Variants in PACRG observed in about 807,000 individuals in gnomAD.
PACRG encodes parkin coregulated, also known as parkin coregulated gene protein.
PACRG carries 29 observed loss-of-function variants against 29.7 expected under a neutral mutation model. The observed-to-expected ratio is 0.98, with a 90% confidence interval of 0.73 to 1.33. PACRG has a LOEUF of 1.33. Among genes scored for constraint, PACRG ranks in the 40% most tolerant of loss-of-function variants. The pLI, the probability that PACRG is intolerant of heterozygous loss-of-function variation, is 0.00. For missense variants in PACRG, 279 were observed against 316.2 expected (o/e 0.88, Z 0.89); for synonymous variants, 116 against 118.7 (o/e 0.98, Z 0.15).
intron 4 of PACRG, among the ~76,000 whole-genome samples, chr6:163,200,968 G>T (rs78883254): frequency 0.015 from 2,345 of 152,250 alleles, 136 homozygotes; most frequent in Admixed American, 0.11. Flanking sequence ...GGCACTGGGT[G>T]GGATCCGCAG....
intron 4 of PACRG, among the ~76,000 whole-genome samples, chr6:163,149,856 G>A (rs1004381077): frequency 2.0e-5 from 3 of 152,170 alleles, no homozygotes; most frequent in African/African-American, 4.8e-5. Context: ...TGTTGCTCCC[G>A]TTGGCTTACG....
At chr6:163,101,411 T>C in intron 4 of PACRG, 1 of 967,378 alleles carries the variant, frequency 1.0e-6, no homozygotes. Flanking sequence ...CACTGAATGT[T>C]ACATATGTTT....
At chr6:163,151,935 C>T (rs536000870) in intron 4 of PACRG, among the ~76,000 whole-genome samples, 1 of 152,272 alleles carries the variant, frequency 6.6e-6, no homozygotes, top group Non-Finnish European at 1.5e-5. Context: ...GATTCTACCC[C>T]AAATATGTCT....
At chr6:163,264,300 C>T (rs983691909) in intron 4 of PACRG, among the ~76,000 whole-genome samples, 1 of 152,222 alleles carries the variant, frequency 6.6e-6, no homozygotes, top group Non-Finnish European at 1.5e-5. Flanking sequence ...TCTCACAGTA[C>T]ACTTTCTGCA....
intron 4 of PACRG, among the ~76,000 whole-genome samples, chr6:163,158,859 T>C (rs1226058557): frequency 2.0e-5 from 3 of 152,228 alleles, no homozygotes; most frequent in African/African-American, 7.2e-5. Flanking sequence ...TTTAGCTTTT[T>C]TTTTGCAATG....
intron 4 of PACRG, chr6:163,190,758 T>C (rs1780173998): frequency 1.0e-5 from 3 of 296,626 alleles, no homozygotes; most frequent in South Asian, 6.4e-5. Context: ...CTTTCTCTTA[T>C]ACCAAAAAGC....
intron 2 of PACRG, among the ~76,000 whole-genome samples, chr6:162,868,637 C>T (rs548730848): frequency 6.6e-6 from 1 of 152,178 alleles, no homozygotes; most frequent in South Asian, 2.1e-4. Context: ...CAGCCTAGGG[C>T]GCACCCGAGC....
intron 4 of PACRG, among the ~76,000 whole-genome samples, chr6:163,157,431 C>T (rs926027731): frequency 4.6e-5 from 7 of 152,224 alleles, no homozygotes; most frequent in African/African-American, 1.4e-4. Context: ...CCACATCTCT[C>T]ATGTCACCTC....
chr6:163,125,830 A>G (rs1177960805), intron 4 of PACRG, among the ~76,000 whole-genome samples: 2 of 152,248 alleles, frequency 1.3e-5, no homozygotes, highest in East Asian at 3.8e-4. Context: ...TCCCACAAGA[A>G]ATAACAACAC....
intron 2 of PACRG, among the ~76,000 whole-genome samples, chr6:163,060,228 T>C (rs573374248): frequency 6.6e-6 from 1 of 152,270 alleles, no homozygotes; most frequent in East Asian, 1.9e-4. Flanking sequence ...ATTTTGTGCT[T>C]ACAAGAAACA....
chr6:163,282,424 A>G (rs1236226674), intron 4 of PACRG, among the ~76,000 whole-genome samples: 1 of 152,224 alleles, frequency 6.6e-6, no homozygotes, highest in East Asian at 1.9e-4. Flanking sequence ...AAAGAAATTC[A>G]TCTGGGCCAG....
chr6:163,115,005 A>G (rs930448746), intron 4 of PACRG, among the ~76,000 whole-genome samples: 6 of 152,234 alleles, frequency 3.9e-5, no homozygotes, highest in African/African-American at 4.8e-5. Context: ...TTATATCTCA[A>G]CAAAGCTGGA....
At chr6:162,926,132 C>T (rs1797420723) in intron 2 of PACRG, among the ~76,000 whole-genome samples, 1 of 152,032 alleles carries the variant, frequency 6.6e-6, no homozygotes, top group African/African-American at 2.4e-5. Context: ...GGACTACAAG[C>T]CACTGCTCAA....
At chr6:162,734,379 G>A (rs1434887628) in intron 1 of PACRG, among the ~76,000 whole-genome samples, 1 of 151,886 alleles carries the variant, frequency 6.6e-6, no homozygotes, top group Non-Finnish European at 1.5e-5. Flanking sequence ...ATTTTGGAAG[G>A]TATAAATTTT....
chr6:162,931,928 A>G (rs1365637418), intron 2 of PACRG, among the ~76,000 whole-genome samples: 1 of 152,012 alleles, frequency 6.6e-6, no homozygotes, highest in Non-Finnish European at 1.5e-5. Flanking sequence ...AAGGAAAGAA[A>G]ATGTATGTTC....
At chr6:163,062,045 C>G (rs1811138470) in intron 2 of PACRG, 105 bp from the exon 3 acceptor site, 1 of 1,157,168 alleles carries the variant, frequency 8.6e-7, no homozygotes, top group East Asian at 2.3e-5. Flanking sequence ...TCCTGAAGTT[C>G]TAAAGAGCGT....
chr6:162,789,887 A>G (rs929097997), intron 1 of PACRG, among the ~76,000 whole-genome samples: 1 of 151,906 alleles, frequency 6.6e-6, no homozygotes. Flanking sequence ...TCTCTGTTGT[A>G]CTTTAGCATG....
At chr6:163,034,666 T>A (rs1301438575) in intron 2 of PACRG, among the ~76,000 whole-genome samples, 1 of 152,104 alleles carries the variant, frequency 6.6e-6, no homozygotes, top group Non-Finnish European at 1.5e-5. Flanking sequence ...GGTTGGGGGA[T>A]CTCCTCAGCA....
chr6:162,739,135 T>G (rs1780381626), intron 1 of PACRG, among the ~76,000 whole-genome samples: 1 of 152,182 alleles, frequency 6.6e-6, no homozygotes. Context: ...TGAGAATTCT[T>G]TTTTCCAAAT....
Sources: allele counts gnomAD v4.1 joint callset (sites outside exome capture counted in the v4.1 genomes callset), GRCh38; gene constraint gnomAD v4.1.1; transcripts MANE v1.5; gene names NCBI Gene and HGNC (gene_info 2026-07-23, HGNC 2026-07-21).